The following MMP26 variants were observed in gnomAD, a reference collection of about 807,000 sequenced individuals.
MMP26 encodes the protein matrix metalloproteinase-26.
Under a neutral mutation model 31.0 loss-of-function variants are expected in MMP26, and 33 were observed. The observed-to-expected ratio is 1.06, with a 90% CI of 0.81 to 1.42. The LOEUF is 1.42. MMP26 is among the 40% of genes most tolerant of loss of function. The pLI is 0.00. For synonymous variants in MMP26, 122 were observed against 114.9 expected (o/e 1.06, Z -0.40); for missense variants, 347 against 316.1 (o/e 1.10, Z -0.74).
intron 2 of MMP26, among the ~76,000 whole-genome samples, chr11:4,983,161 A>G (rs1169102715): frequency 6.6e-6 from 1 of 152,182 alleles, no homozygotes; most frequent in Non-Finnish European, 1.5e-5. Flanking sequence ...CAGGAGAGAA[A>G]ATATACACTT....
intron 2 of MMP26, among the ~76,000 whole-genome samples, chr11:4,805,486 G>T (rs1444549015): frequency 6.6e-6 from 1 of 152,030 alleles, no homozygotes; most frequent in Non-Finnish European, 1.5e-5. Flanking sequence ...ATAAACCTTT[G>T]TTTACAAAAA....
intron 2 of MMP26, among the ~76,000 whole-genome samples, chr11:4,827,312 T>G (rs1192555185): frequency 6.6e-6 from 1 of 152,212 alleles, no homozygotes; most frequent in Non-Finnish European, 1.5e-5. Context: ...AAATCTATCC[T>G]TGATCTTTTT....
At chr11:4,710,244 T>A (rs958257297) in intron 1 of MMP26, 15 of 456,652 alleles carry the variant, frequency 3.3e-5, no homozygotes, top group African/African-American at 2.6e-4. Flanking sequence ...GATCGTCCGC[T>A]CTGTGCTCTG....
intron 2 of MMP26, among the ~76,000 whole-genome samples, chr11:4,911,989 G>A (rs534902892): frequency 5.3e-5 from 8 of 152,172 alleles, no homozygotes; most frequent in Non-Finnish European, 7.4e-5. Context: ...TAAGGCAACC[G>A]CTCTAGAAAT....
intron 1 of MMP26, chr11:4,752,020 A>G (rs1848452729): frequency 1.3e-5 from 2 of 152,142 alleles, no homozygotes; most frequent in Non-Finnish European, 2.9e-5. Context: ...CCTTTATAGG[A>G]GTAGTACATG....
intron 2 of MMP26, among the ~76,000 whole-genome samples, chr11:4,880,069 G>A (rs1039713835): frequency 1.6e-4 from 24 of 152,088 alleles, no homozygotes; most frequent in Non-Finnish European, 3.4e-4. Flanking sequence ...CTTGGGCCTG[G>A]GAGCAGGGTT....
At chr11:4,757,842 G>GA (rs1167117729) in intron 1 of MMP26, among the ~76,000 whole-genome samples, 1 of 151,094 alleles carries the variant, frequency 6.6e-6, no homozygotes, top group Non-Finnish European at 1.5e-5. Context: ...ACGAACGAAG[G>GA]AAAAAAAATA....
chr11:4,709,265 T>C (rs1056654887), intron 1 of MMP26, among the ~76,000 whole-genome samples: 6 of 152,166 alleles, frequency 3.9e-5, no homozygotes, highest in Admixed American at 1.3e-4. Flanking sequence ...TTTTCTATTA[T>C]TGAAACTAAT....
At position 4,823,896 on chromosome 11, in the gene MMP26, C is replaced by A. The variant is rs189516466; in HGVS notation, c.-145+56555C>A. Among the ~76,000 whole-genome samples the A allele has an allele frequency of 6.0e-3, 906 of 152,198 alleles. 5 individuals carry two copies. The highest frequency in any genetic ancestry group is 0.02 in the Middle Eastern group (6 of 294). On this transcript the variant is annotated intron_variant, in intron 2 of 7. Transcript: ENST00000380390. ...TGTTCATAACTCCATTAATCACTCT[C>A]AATAATCTTATAAGTTAACCAAAAG...
intron 2 of MMP26, chr11:4,944,759 T>C (rs951391343): frequency 6.6e-6 from 1 of 152,066 alleles, no homozygotes; most frequent in African/African-American, 2.4e-5. Flanking sequence ...GGCAATAAAT[T>C]TGTCTTTAAC....
intron 2 of MMP26, among the ~76,000 whole-genome samples, chr11:4,880,414 G>A (rs547806152): frequency 6.6e-6 from 1 of 152,144 alleles, no homozygotes; most frequent in Admixed American, 6.6e-5. Context: ...CTACAAGTAA[G>A]ATGGGATGAA....
rs11033870 is a variant in MMP26 at position 4,785,052 on chromosome 11, G to A, written c.-145+17711G>A. ...CATTTTTTGATAGACAGGTGTCAAT[G>A]TTGCTTGTAAGAAATGCATGTGGGT... On this transcript the variant is annotated intron_variant, in intron 2 of 7. Coordinates refer to ENST00000380390, the MANE Select transcript of MMP26 (RefSeq NM_021801.5). Among the ~76,000 whole-genome samples the A allele has an allele frequency of 1.1e-3, 167 of 152,244 alleles. 2 individuals carry two copies. The East Asian group carries it at 0.029, about 27-fold the overall frequency.
At chr11:4,962,779 A>G (rs914008570) in intron 2 of MMP26, among the ~76,000 whole-genome samples, 1 of 152,200 alleles carries the variant, frequency 6.6e-6, no homozygotes, top group African/African-American at 2.4e-5. Flanking sequence ...ACTGGCATGC[A>G]TTTTAATCAC....
chr11:4,709,695 G>A (rs531799917), intron 1 of MMP26: 1 of 459,020 alleles, frequency 2.2e-6, no homozygotes, highest in Non-Finnish European at 4.4e-6. Flanking sequence ...TGCTATCTCT[G>A]GGAATGGCAT....
chr11:4,803,864 G>C (rs1228524693), intron 2 of MMP26: 1 of 1,612,538 alleles, frequency 6.2e-7, no homozygotes, highest in East Asian at 2.2e-5. Flanking sequence ...GCTTGGTGTT[G>C]GCAGAAGGGC....
chr11:4,821,610 T>A (rs757363176), intron 2 of MMP26: 1 of 1,614,000 alleles, frequency 6.2e-7, no homozygotes, highest in Non-Finnish European at 8.5e-7. Context: ...CTATGTACTA[T>A]TTCCTCTCTA....
intron 2 of MMP26, among the ~76,000 whole-genome samples, chr11:4,784,981 C>T (rs141688716): frequency 7.9e-5 from 12 of 152,228 alleles, no homozygotes; most frequent in African/African-American, 2.4e-4. Flanking sequence ...TCAATTTTGC[C>T]AGAGTCACAG....
intron 1 of MMP26, among the ~76,000 whole-genome samples, chr11:4,766,283 A>G (rs1848627773): frequency 6.6e-6 from 1 of 152,190 alleles, no homozygotes; most frequent in South Asian, 2.1e-4. Flanking sequence ...GAGCTCCAGG[A>G]GATAGAATTA....
At chr11:4,776,315 G>C (rs1214201034) in intron 2 of MMP26, among the ~76,000 whole-genome samples, 1 of 152,022 alleles carries the variant, frequency 6.6e-6, no homozygotes, top group African/African-American at 2.4e-5. Context: ...ATGCCCAGTA[G>C]TGAGATTACT....
Sources: allele counts gnomAD v4.1 joint callset (sites outside exome capture counted in the v4.1 genomes callset), GRCh38; gene constraint gnomAD v4.1.1; transcripts MANE v1.5; gene names NCBI Gene and HGNC (gene_info 2026-07-23, HGNC 2026-07-21).